The following ATP6V0E1 variants were observed in gnomAD, a reference collection of about 807,000 sequenced individuals.
The protein encoded by ATP6V0E1 is V-type proton ATPase subunit e 1.
In ATP6V0E1, 4 loss-of-function variants were observed where a neutral mutation model predicts 11.6. The ratio of observed to expected loss-of-function variants is 0.35; its 90% CI spans 0.17 to 0.79. The LOEUF is 0.79. Ranked by LOEUF, ATP6V0E1 falls within the 30% of genes least tolerant of loss-of-function variation. The probability of loss-of-function intolerance (pLI) is 0.54; values close to 1 mark genes in which losing one functional copy is unlikely to be tolerated. For missense variants in ATP6V0E1, 105 were observed against 100.0 expected (o/e 1.05, Z -0.21); for synonymous variants, 36 against 34.8 (o/e 1.04, Z -0.13).
chr5:172,993,686 C>A lies in ATP6V0E1; in HGVS notation c.105-1089C>A, dbSNP rs71611164. ...CCTGGTCAACATATTGAGACCCCCC[C>A]CCCCGACCCCACCTCTCCAAAAAAA... On this transcript the variant is annotated intron_variant, in intron 1 of 3. Coordinates refer to ENST00000519374, the MANE Select transcript of ATP6V0E1 (RefSeq NM_003945.4). Among the ~76,000 whole-genome samples, 9 of 125,172 alleles carry A rather than the reference C, an allele frequency of 7.2e-5. 1 individual carries two copies. The highest frequency in any genetic ancestry group is 1.3e-4 in the Non-Finnish European group (8 of 59,900). The allele number at this position is 125,172 out of a possible 152,430, so 82.1% of individuals were successfully genotyped here.
At chr5:173,015,581 A>G (rs1432350686) in intron 2 of ATP6V0E1, among the ~76,000 whole-genome samples, 1 of 152,194 alleles carries the variant, frequency 6.6e-6, no homozygotes, top group African/African-American at 2.4e-5. Flanking sequence ...TGAAGCTTCC[A>G]TAAAAACCCA....
rs1484729487 is a variant in ATP6V0E1, at chr5:173,034,705, C to T, written c.*343C>T. 4.3e-6 allele frequency: 2 copies of T among 465,522 alleles called. No individual in the cohort carries two copies. The highest frequency in any genetic ancestry group is 7.8e-6 in the Non-Finnish European group (2 of 255,678). 28.8% of individuals were successfully genotyped at this position (465,522 alleles called of 1,614,324 possible). ...GATTTGAAGATGGCTCCTGCCTTCT[C>T]ACGTGGGAATCAGTGAAGTGTTTAG... On this transcript the variant is annotated 3_prime_UTR_variant, in exon 4 of 4. Transcript: ENST00000519374.
At chr5:172,988,352 T>C (rs541375847) in intron 1 of ATP6V0E1, among the ~76,000 whole-genome samples, 4 of 152,144 alleles carry the variant, frequency 2.6e-5, no homozygotes, top group African/African-American at 4.8e-5. Flanking sequence ...CTAGGAAGAG[T>C]TGCTATAATA....
At chr5:173,016,915 TTAAG>T (rs1413229020) in intron 2 of ATP6V0E1, among the ~76,000 whole-genome samples, 4 of 152,248 alleles carry the variant, frequency 2.6e-5, no homozygotes, top group South Asian at 2.1e-4. Flanking sequence ...TTTTTGTTTA[TTAAG>T]TGAGTCAGCT....
Position 172,998,536 on chromosome 5 carries a change from G to A in ATP6V0E1, c.152+3714G>A, listed in dbSNP as rs187535957. Among the ~76,000 whole-genome samples, 750 of 151,414 alleles carry A rather than the reference G, an allele frequency of 5.0e-3. 8 individuals are homozygous for A. The highest frequency in any genetic ancestry group is 0.017 in the African/African-American group (713 of 41,120). ...TGAGGCAGGAGAATTGCTTGAACCC[G>A]GGAGGTGGATGTTGCAGTGAGCCAA... On this transcript the variant is annotated intron_variant, in intron 2 of 3. Transcript: ENST00000519374.
chr5:172,988,881 G>A (rs535096651), intron 1 of ATP6V0E1, among the ~76,000 whole-genome samples: 1 of 152,248 alleles, frequency 6.6e-6, no homozygotes, highest in East Asian at 1.9e-4. Flanking sequence ...TAGAGGCAGG[G>A]TTTCACCATG....
chr5:173,028,363 T>A (rs1756594118), intron 3 of ATP6V0E1, among the ~76,000 whole-genome samples: 1 of 152,172 alleles, frequency 6.6e-6, no homozygotes, highest in Non-Finnish European at 1.5e-5. Flanking sequence ...ACCTTTTGAA[T>A]TTTGAACTTT....
At position 173,014,691 on chromosome 5, in the gene ATP6V0E1, G is replaced by A. The variant is rs112315519; in HGVS notation, c.153-5547G>A. On this transcript the variant is annotated intron_variant, in intron 2 of 3. Coordinates refer to ENST00000519374, the MANE Select transcript of ATP6V0E1 (RefSeq NM_003945.4). ...AAATTTGATGTCAAAGACATGAAGAGTAGAATGATAGATATGAGAGACTGG... is the reference window on the plus strand; with the variant it reads ...AAATTTGATGTCAAAGACATGAAGAATAGAATGATAGATATGAGAGACTGG... 8.7e-3 allele frequency among the ~76,000 whole-genome samples: 1,321 copies of A among 152,264 alleles called. 19 individuals carry two copies. Among genetic ancestry groups the A allele is most frequent in the African/African-American group, 0.03 (1,260 of 41,562 alleles).
At chr5:172,993,689 C>CCCA (rs1554118450) in intron 1 of ATP6V0E1, among the ~76,000 whole-genome samples, 1,623 of 129,272 alleles carry the variant, frequency 0.013, 67 homozygotes, top group African/African-American at 0.046. Flanking sequence ...ACCCCCCCCC[C>CCCA]CGACCCCACC....
chr5:173,006,224 C>G (rs1756228409), intron 2 of ATP6V0E1, among the ~76,000 whole-genome samples: 1 of 152,076 alleles, frequency 6.6e-6, no homozygotes, highest in African/African-American at 2.4e-5. Context: ...CTGTTTCTCC[C>G]TTTCTTTCCT....
At chr5:173,019,305 C>T (rs868616477) in intron 2 of ATP6V0E1, among the ~76,000 whole-genome samples, 1 of 152,058 alleles carries the variant, frequency 6.6e-6, no homozygotes, top group Non-Finnish European at 1.5e-5. Flanking sequence ...TCTGTAATCC[C>T]AGCACTTTGG....
At chr5:173,033,200 C>T (rs1756691846) in intron 3 of ATP6V0E1, among the ~76,000 whole-genome samples, 1 of 152,200 alleles carries the variant, frequency 6.6e-6, no homozygotes, top group Non-Finnish European at 1.5e-5. Flanking sequence ...CTCCTGAGCT[C>T]TAGTGATCCT....
intron 2 of ATP6V0E1, among the ~76,000 whole-genome samples, chr5:173,005,754 C>T (rs905095149): frequency 2.0e-5 from 3 of 152,150 alleles, no homozygotes; most frequent in Admixed American, 6.5e-5. Context: ...AAAATTCCCC[C>T]TAAGCACTGC....
Position 173,006,483 on chromosome 5 carries a change from G to A in ATP6V0E1, c.152+11661G>A, listed in dbSNP as rs560219259. Among the ~76,000 whole-genome samples, 47 of 152,256 alleles carry A rather than the reference G, an allele frequency of 3.1e-4. No homozygotes were observed. The South Asian group carries it at 8.1e-3, about 26-fold the overall frequency. Reference sequence around the variant, plus strand: ...AAATTAGCCAGGCGTGGTGGTGGGCGCCTGTAGTCCCAGCGACTCGGGAGG... The same window carrying A: ...AAATTAGCCAGGCGTGGTGGTGGGCACCTGTAGTCCCAGCGACTCGGGAGG... On this transcript the variant is annotated intron_variant, in intron 2 of 3. Transcript: ENST00000519374.
intron 3 of ATP6V0E1, 31 bp downstream of exon 3, chr5:173,020,398 A>G: frequency 1.8e-5 from 24 of 1,327,612 alleles, no homozygotes; most frequent in Non-Finnish European, 2.5e-5. Flanking sequence ...TCTTATCAGT[A>G]TGGTCAGGCA....
At chr5:172,996,112 A>G (rs1756061293) in intron 2 of ATP6V0E1, among the ~76,000 whole-genome samples, 1 of 152,208 alleles carries the variant, frequency 6.6e-6, no homozygotes. Flanking sequence ...ACATTTTAAT[A>G]AAAATTGGCC....
At chr5:172,984,094 C>T (rs1352580288) in intron 1 of ATP6V0E1, 130 bp downstream of exon 1, 1 of 857,518 alleles carries the variant, frequency 1.2e-6, no homozygotes, top group Non-Finnish European at 1.9e-6. Context: ...AGAGTCAGGC[C>T]CCCGACCCGG....
chr5:173,000,949 C>A (rs570128126), intron 2 of ATP6V0E1, among the ~76,000 whole-genome samples: 6 of 152,284 alleles, frequency 3.9e-5, no homozygotes, highest in African/African-American at 1.4e-4. Context: ...GATCCACCCA[C>A]CTTGGCCTCC....
intron 1 of ATP6V0E1, 53 bp downstream of exon 1, chr5:172,984,017 C>G: frequency 6.4e-7 from 1 of 1,562,632 alleles, no homozygotes; most frequent in Admixed American, 1.7e-5. Context: ...AGCTAGCAGG[C>G]CGGGGCGGGG....
Sources: gnomAD v4.1 joint callset for allele counts (sites outside exome capture counted in the v4.1 genomes callset) on GRCh38, gnomAD v4.1.1 for gene constraint, MANE v1.5 for transcripts, NCBI Gene and HGNC (gene_info 2026-07-23, HGNC 2026-07-21) for gene names.